The following SGTB variants were observed in gnomAD, a reference collection of about 807,000 sequenced individuals.
SGTB encodes small glutamine rich tetratricopeptide repeat co-chaperone beta.
A neutral mutation model predicts 43.9 loss-of-function variants in SGTB; 19 were observed. That is an observed-to-expected ratio of 0.43 (90% CI 0.30 to 0.63). The LOEUF (loss-of-function observed/expected upper bound fraction) is 0.63, where lower values mean the gene tolerates loss of function less well. SGTB is among the 30% of genes least tolerant of loss of function. SGTB has a pLI of 0.12. For synonymous variants in SGTB, 116 were observed against 117.3 expected, an observed-to-expected ratio of 0.99 and a Z score of 0.07; for missense variants, 304 against 358.9, an observed-to-expected ratio of 0.85 and a Z score of 1.24.
At chr5:65,682,090 C>T (rs920939312) in intron 6 of SGTB, among the ~76,000 whole-genome samples, 1 of 152,000 alleles carries the variant, frequency 6.6e-6, no homozygotes, top group Non-Finnish European at 1.5e-5. Flanking sequence ...AATAGGAGAG[C>T]TGCTCAAAAA....
intron 10 of SGTB, among the ~76,000 whole-genome samples, chr5:65,671,700 G>A (rs1280534716): frequency 4.6e-5 from 7 of 152,016 alleles, no homozygotes; most frequent in African/African-American, 1.7e-4. Flanking sequence ...CAACAGACAG[G>A]GCTGGCCAGA....
chr5:65,682,780 G>T (rs1234088239), intron 6 of SGTB, among the ~76,000 whole-genome samples: 1 of 152,140 alleles, frequency 6.6e-6, no homozygotes, highest in African/African-American at 2.4e-5. Flanking sequence ...TAGAATATAT[G>T]AGTACGGAGT....
chr5:65,670,143 A>G lies in SGTB; in HGVS notation c.*103T>C. On this transcript the variant is annotated 3_prime_UTR_variant, in exon 11 of 11. Coordinates refer to ENST00000381007, the MANE Select transcript of SGTB (RefSeq NM_019072.3). ...CCTCCATTATTTTCACACATCAGAT[A>G]TGGTGTTTGGTTTTTTGAAGGAGGG... 1.1e-6 allele frequency: 1 copy of G among 873,364 alleles called. No individual in the cohort carries two copies. The highest frequency in any genetic ancestry group is 1.8e-6 in the Non-Finnish European group (1 of 548,478). 54.1% of individuals were successfully genotyped at this position (873,364 alleles called of 1,614,324 possible). A position where few individuals can be genotyped will look rare whatever the true frequency, so the allele number is the denominator to read the frequency against.
intron 4 of SGTB, among the ~76,000 whole-genome samples, chr5:65,707,974 A>G (rs1436036667): frequency 6.6e-6 from 1 of 152,200 alleles, no homozygotes; most frequent in Non-Finnish European, 1.5e-5. Context: ...TAATGGAAAA[A>G]TGGAACACAA....
chr5:65,684,058 T>C (rs1757451393), intron 6 of SGTB, among the ~76,000 whole-genome samples: 1 of 151,756 alleles, frequency 6.6e-6, no homozygotes, highest in Non-Finnish European at 1.5e-5. Flanking sequence ...AGGGGAACGC[T>C]GGGTAAAGGG....
At chr5:65,719,426 CA>C (rs1261794246) in intron 2 of SGTB, among the ~76,000 whole-genome samples, 1 of 150,132 alleles carries the variant, frequency 6.7e-6, no homozygotes, top group African/African-American at 2.4e-5. Flanking sequence ...TCTGTCTCTA[CA>C]AAAAAAAATA....
chr5:65,722,733 C>A, upstream of SGTB: 1 of 385,064 alleles, frequency 2.6e-6, no homozygotes, highest in Non-Finnish European at 4.8e-6. Context: ...ATTTCACGTT[C>A]AATCCCAATG....
At chr5:65,716,353 T>C (rs1213088248) in intron 2 of SGTB, among the ~76,000 whole-genome samples, 1 of 152,206 alleles carries the variant, frequency 6.6e-6, no homozygotes. Context: ...AGATAAATGA[T>C]AGAAACTCAC....
chr5:65,720,824 CTT>C lies in SGTB; in HGVS notation c.-19_-18del. ...AGATGACATTTTAGAAGCTTAAACA[CTT>C]TTCCTTGATAAGAAAAATGAAAACA... On this transcript the variant is annotated 5_prime_UTR_variant, in exon 2 of 11. Transcript: ENST00000381007. 2 of 1,601,574 alleles carry C rather than the reference CTT, an allele frequency of 1.2e-6. No homozygotes were observed. Among genetic ancestry groups the C allele is most frequent in the Non-Finnish European group, 1.7e-6 (2 of 1,177,100 alleles).
chr5:65,682,483 G>C (rs1757415737), intron 6 of SGTB, among the ~76,000 whole-genome samples: 1 of 152,232 alleles, frequency 6.6e-6, no homozygotes, highest in Non-Finnish European at 1.5e-5. Flanking sequence ...GCTTAGGTAA[G>C]AGATGTAGTT....
rs762435242 is a variant in SGTB at position 65,666,297 on chromosome 5, T to G, written c.*3949A>C. ...AACAATAACTTACACATATTTTTCATAGTTTTAAGTAAAGATTAAATAATG... is the reference window on the plus strand; with the variant it reads ...AACAATAACTTACACATATTTTTCAGAGTTTTAAGTAAAGATTAAATAATG... On this transcript the variant is annotated 3_prime_UTR_variant, in exon 11 of 11. Transcript: ENST00000381007. The G allele has an allele frequency of 1.3e-5, 2 of 152,190 alleles. No individual in the cohort carries two copies. Among genetic ancestry groups the G allele is most frequent in the African/African-American group, 4.8e-5 (2 of 41,470 alleles). 9.4% of individuals were successfully genotyped at this position (152,190 alleles called of 1,614,324 possible).
chr5:65,717,043 T>G, intron 2 of SGTB, among the ~76,000 whole-genome samples: 1 of 150,242 alleles, frequency 6.7e-6, no homozygotes, highest in African/African-American at 2.5e-5. Context: ...ATACTGGGGG[T>G]GGTGGGGGTC....
chr5:65,673,066 C>T (rs949869753), intron 8 of SGTB, among the ~76,000 whole-genome samples: 11 of 152,170 alleles, frequency 7.2e-5, no homozygotes, highest in Non-Finnish European at 1.3e-4. Flanking sequence ...TAAACTAGTT[C>T]TGCAGCAGTA....
chr5:65,680,166 T>C lies in SGTB; in HGVS notation c.681+328A>G, dbSNP rs548532849. On this transcript the variant is annotated intron_variant, in intron 8 of 10. Transcript: ENST00000381007. ...TAGGGGAACAACACACACTGGGGCC[T>C]GTTGGAGGGCAGAGGATGGGAGGAG... is the stretch of plus-strand genomic sequence containing the variant. Among the ~76,000 whole-genome samples the C allele has an allele frequency of 3.9e-5, 6 of 152,112 alleles. No individual in the cohort carries two copies. The South Asian group carries it at 1.0e-3, about 26-fold the overall frequency.
intron 5 of SGTB, among the ~76,000 whole-genome samples, chr5:65,699,307 T>C (rs546963373): frequency 1.3e-5 from 2 of 152,340 alleles, no homozygotes; most frequent in South Asian, 4.1e-4. Flanking sequence ...TGTTGTGTAT[T>C]CTCACTTATA....
chr5:65,678,654 A>G (rs185878794), intron 8 of SGTB, among the ~76,000 whole-genome samples: 1 of 152,298 alleles, frequency 6.6e-6, no homozygotes, highest in African/African-American at 2.4e-5. Context: ...AGACACATAG[A>G]CCAGTGGAAC....
chr5:65,680,677 CTTCTG>C lies in SGTB; in HGVS notation c.592_596del (p.Gln198ValfsTer15). 6.2e-7 allele frequency: 1 copy of C among 1,614,076 alleles called. No individual in the cohort carries two copies. The highest frequency in any genetic ancestry group is 8.5e-7 in the Non-Finnish European group (1 of 1,180,008). On this transcript the variant is annotated frameshift_variant, in exon 7 of 11. Transcript: ENST00000381007. LOFTEE classifies it high-confidence loss of function. ...TTACAGGACTGGATACCTCTCTTAACTTCTGTTCTGCTATTTTCAGATTTGACTTA... is the reference window on the plus strand; with the variant it reads ...TTACAGGACTGGATACCTCTCTTAACTTCTGCTATTTTCAGATTTGACTTA...
intron 6 of SGTB, among the ~76,000 whole-genome samples, chr5:65,681,546 C>G (rs972060835): frequency 6.6e-6 from 1 of 152,108 alleles, no homozygotes; most frequent in South Asian, 2.1e-4. Context: ...TTATCGGAAC[C>G]TAATTCATTT....
At chr5:65,673,256 A>C (rs1395442852) in intron 8 of SGTB, among the ~76,000 whole-genome samples, 1 of 152,152 alleles carries the variant, frequency 6.6e-6, no homozygotes, top group Non-Finnish European at 1.5e-5. Context: ...TTACAGGTAA[A>C]ACTTCTCCCT....
Sources: gnomAD v4.1 joint callset for allele counts (sites outside exome capture counted in the v4.1 genomes callset) on GRCh38, gnomAD v4.1.1 for gene constraint, MANE v1.5 for transcripts, NCBI Gene and HGNC (gene_info 2026-07-23, HGNC 2026-07-21) for gene names.